Variants in ZNF468 observed in about 807,000 individuals in gnomAD.
The protein encoded by ZNF468 is zinc finger protein ZNF468.
ZNF468 carries 8 observed loss-of-function variants against 7.2 expected under a neutral mutation model. That is an observed-to-expected ratio of 1.11 (90% confidence interval 0.65 to 2.01). The LOEUF is 2.01. ZNF468 is among the 30% of genes most tolerant of loss of function. ZNF468 has a pLI of 0.00. For synonymous variants in ZNF468, 218 were observed against 214.4 expected (o/e 1.02, Z -0.15); for missense variants, 608 against 626.5 (o/e 0.97, Z 0.31).
chr19:52,848,207 A>AT lies in ZNF468; in HGVS notation c.142+879dup, dbSNP rs1279097950. On this transcript the variant is annotated intron_variant, in intron 3 of 3. Transcript: ENST00000595646. Reference sequence around the variant, plus strand: ...CTGTAATACATTCCCACCCATCTGGATTTTTTTTGCTATTTTCACTTCACT... The same window carrying AT: ...CTGTAATACATTCCCACCCATCTGGATTTTTTTTTGCTATTTTCACTTCACT... Among the ~76,000 whole-genome samples the AT allele has an allele frequency of 1.1e-4, 16 of 151,934 alleles. No homozygotes were observed. The East Asian group carries it at 1.4e-3, about 13-fold the overall frequency.
chr19:52,844,048 A>G (rs2063325236), intron 3 of ZNF468, among the ~76,000 whole-genome samples: 1 of 152,186 alleles, frequency 6.6e-6, no homozygotes, highest in African/African-American at 2.4e-5. Context: ...TGAACCCAGG[A>G]GGCGGAGGTT....
chr19:52,853,932 CA>C (rs1241987024), intron 2 of ZNF468: 16 of 1,379,708 alleles, frequency 1.2e-5, no homozygotes, highest in Non-Finnish European at 1.5e-5. Flanking sequence ...TCCTGGTCCA[CA>C]GTGAGCTGAC....
At chr19:52,842,718 C>T (rs1355340231) in intron 3 of ZNF468, among the ~76,000 whole-genome samples, 3 of 145,308 alleles carry the variant, frequency 2.1e-5, no homozygotes. Flanking sequence ...CCAGAGGCTG[C>T]GTCACAAGTA....
rs61747364 is a variant in ZNF468, at chr19:52,841,807, G to C, written c.487C>G (p.Gln163Glu). The stretch of plus-strand genomic sequence containing the variant: ...GCATTGTTGATAGACTTCTCAACTT[G>C]ATTACCAATTTTCCCTTCAGACTGA... ...IFQSEGKIGN[Q>E]VEKSINNASS... is the part of the protein sequence containing the mutation. Residue 163 changes from glutamine to glutamate, a missense_variant, in exon 4 of 4, where the codon CAA becomes GAA. Transcript: ENST00000595646. The C allele has an allele frequency of 0.11, 180,496 of 1,613,614 alleles. 10,671 individuals are homozygous for C. Among genetic ancestry groups the C allele is most frequent in the Admixed American group, 0.12 (7,090 of 59,984 alleles).
intron 1 of ZNF468, among the ~76,000 whole-genome samples, chr19:52,856,887 G>T (rs2063444830): frequency 1.3e-5 from 2 of 152,054 alleles, no homozygotes; most frequent in Admixed American, 6.6e-5. Flanking sequence ...TGCTCTCTCA[G>T]TCCCTCTCTC....
At chr19:52,842,202 A>G (rs773114327) in intron 3 of ZNF468, 51 bp from the exon 4 acceptor site, 1 of 1,404,062 alleles carries the variant, frequency 7.1e-7, no homozygotes, top group African/African-American at 1.5e-5. Flanking sequence ...GACGGTATAT[A>G]ATACTGAAAT....
At position 52,839,914 on chromosome 19, in the gene ZNF468, G is replaced by T; in HGVS notation, c.*811C>A. 1.1e-6 allele frequency: 1 copy of T among 899,406 alleles called. No homozygotes were observed. The highest frequency in any genetic ancestry group is 1.7e-6 in the Non-Finnish European group (1 of 601,252). 55.7% of individuals were successfully genotyped at this position (899,406 alleles called of 1,614,324 possible). The stretch of plus-strand genomic sequence containing the variant: ...GATTCTCCAATGATGTGCAATGGTT[G>T]TAGCATTACTGAAAACTTTGTGACA... On this transcript the variant is annotated 3_prime_UTR_variant, in exon 4 of 4. Transcript: ENST00000595646.
intron 3 of ZNF468, among the ~76,000 whole-genome samples, chr19:52,843,120 C>CAAAAAAAAAAAAAAAAAAAA (rs11356842): frequency 1.5e-5 from 1 of 68,688 alleles, no homozygotes; most frequent in Non-Finnish European, 3.2e-5. Context: ...GACTCTGTCT[C>CAAAAAAAAAAAAAAAAAAAA]AAAAAAAAAA....
chr19:52,853,990 A>G, intron 2 of ZNF468: 4 of 1,477,806 alleles, frequency 2.7e-6, no homozygotes, highest in Non-Finnish European at 3.6e-6. Flanking sequence ...GCCCAAGAGC[A>G]CTGACACCAC....
Position 52,841,151 on chromosome 19 carries a change from T to A in ZNF468, c.1143A>T (p.Lys381Asn). The change falls in exon 4 of 4, where the codon AAA becomes AAT. Residue 381 changes from lysine (K) to asparagine (N), a missense_variant. Lys to Asn is a moderately conservative substitution (Grantham distance 94). Coordinates refer to ENST00000595646, the MANE Select transcript of ZNF468 (RefSeq NM_001008801.2). ...TGTCACACTCTTCACATTTGTAAGG[T>A]TTCTCTCCAGTATGAAGTCTATGAT... ...ARHHRLHTGE[K>N]PYKCEECDKV... 1 of 1,613,460 alleles carries A rather than the reference T, an allele frequency of 6.2e-7. No individual in the cohort carries two copies. Among genetic ancestry groups the A allele is most frequent in the Non-Finnish European group, 8.5e-7 (1 of 1,179,534 alleles).
In ZNF468 at chr19:52,849,197, CT is replaced by C; in HGVS notation, c.31del (p.Arg11GlyfsTer5). The C allele has an allele frequency of 6.2e-7, 1 of 1,613,772 alleles. No individual in the cohort carries two copies. The highest frequency in any genetic ancestry group is 1.7e-5 in the Admixed American group (1 of 59,996). MALPQGLLTF[R>X]DVAIEFSQEE... The stretch of plus-strand genomic sequence containing the variant: ...CTGAGAGAATTCTATGGCCACGTCC[CT>C]GAATGTCAATAGACCCTGAAATGAA... On this transcript the variant is annotated frameshift_variant, in exon 3 of 4. Coordinates refer to ENST00000595646, the MANE Select transcript of ZNF468 (RefSeq NM_001008801.2). LOFTEE classifies it high-confidence loss of function.
chr19:52,845,997 C>T (rs145549238), intron 3 of ZNF468, among the ~76,000 whole-genome samples: 2 of 152,144 alleles, frequency 1.3e-5, no homozygotes, highest in East Asian at 1.9e-4. Flanking sequence ...GAACAAAACT[C>T]TATCTCATAA....
At chr19:52,843,378 A>G (rs928970235) in intron 3 of ZNF468, among the ~76,000 whole-genome samples, 6 of 152,008 alleles carry the variant, frequency 3.9e-5, no homozygotes, top group Admixed American at 1.3e-4. Flanking sequence ...GATTACAGGC[A>G]TGTGCCACCA....
chr19:52,853,902 C>T (rs924619268), intron 2 of ZNF468: 3 of 1,303,000 alleles, frequency 2.3e-6, no homozygotes, highest in Non-Finnish European at 2.9e-6. Context: ...ATACGTGACT[C>T]CCATTGGCAG....
chr19:52,849,408 ACT>A (rs1347410319), intron 2 of ZNF468, 195 bp from the exon 3 acceptor site: 8 of 1,089,268 alleles, frequency 7.3e-6, no homozygotes, highest in Admixed American at 3.1e-5. Context: ...ATCAAGACAT[ACT>A]CTCAGTATAA....
intron 3 of ZNF468, among the ~76,000 whole-genome samples, chr19:52,847,749 TC>T (rs67610692): frequency 0.087 from 13,222 of 152,194 alleles, 589 homozygotes; most frequent in South Asian, 0.098. Flanking sequence ...ACAGTACCTT[TC>T]CTTGAACTTA....
At chr19:52,854,067 C>G in intron 2 of ZNF468, 191 bp downstream of exon 2, 1 of 1,514,082 alleles carries the variant, frequency 6.6e-7, no homozygotes, top group South Asian at 1.3e-5. Flanking sequence ...CCAGTGCAGC[C>G]TCTTCCCAAG....
Position 52,849,071 on chromosome 19 carries a change from G to T in ZNF468, c.142+16C>A. ...AATACACAAGGGCACATCCCCAGGAGGGAAGTTATCCTCACCCAGGGAGAC... is the reference window on the plus strand; with the variant it reads ...AATACACAAGGGCACATCCCCAGGATGGAAGTTATCCTCACCCAGGGAGAC... On this transcript the variant is annotated intron_variant, in intron 3 of 3. Transcript: ENST00000595646. 2 of 1,613,242 alleles carry T rather than the reference G, an allele frequency of 1.2e-6. No individual in the cohort carries two copies. The highest frequency in any genetic ancestry group is 1.7e-6 in the Non-Finnish European group (2 of 1,179,662).
In ZNF468 at chr19:52,839,662, G is replaced by A. The variant is rs1184979540; in HGVS notation, c.*1063C>T. On this transcript the variant is annotated 3_prime_UTR_variant, in exon 4 of 4. Transcript: ENST00000595646. ...TGGATTCTCTGATGTCTAATGAGGTGTGAATGTGAAGTAAACGCTTTGCCA... is the reference window on the plus strand; with the variant it reads ...TGGATTCTCTGATGTCTAATGAGGTATGAATGTGAAGTAAACGCTTTGCCA... 3.3e-5 allele frequency: 18 copies of A among 548,414 alleles called. No homozygotes were observed. Among genetic ancestry groups the A allele is most frequent in the Middle Eastern group, 3.1e-4 (1 of 3,250 alleles). The allele number at this position is 548,414 out of a possible 1,614,324, so 34.0% of individuals were successfully genotyped here.
Sources: allele counts gnomAD v4.1 joint callset (sites outside exome capture counted in the v4.1 genomes callset), GRCh38; gene constraint gnomAD v4.1.1; transcripts MANE v1.5; gene names NCBI Gene and HGNC (gene_info 2026-07-23, HGNC 2026-07-21).